The following ZBTB7C variants were observed in gnomAD, a reference collection of about 807,000 sequenced individuals.
ZBTB7C encodes zinc finger and BTB domain containing 7C.
In ZBTB7C, 8 loss-of-function variants were observed where a neutral mutation model predicts 25.7. That is an observed-to-expected ratio of 0.31 (90% CI 0.18 to 0.56). ZBTB7C has a LOEUF of 0.56. ZBTB7C is among the 20% of genes least tolerant of loss of function. The pLI is 0.91. For missense variants in ZBTB7C, 824 were observed against 855.2 expected (o/e 0.96, Z 0.46); for synonymous variants, 394 against 369.0 (o/e 1.07, Z -0.78).
chr18:48,353,879 AG>A (rs1339405740), intron 1 of ZBTB7C, among the ~76,000 whole-genome samples: 3 of 152,272 alleles, frequency 2.0e-5, no homozygotes, highest in African/African-American at 7.2e-5. Flanking sequence ...GAGGCCCAGG[AG>A]GGGGGTCCAA....
chr18:48,281,666 T>G (rs1038176137), intron 2 of ZBTB7C, among the ~76,000 whole-genome samples: 1 of 152,146 alleles, frequency 6.6e-6, no homozygotes, highest in African/African-American at 2.4e-5. Flanking sequence ...GAACAGACAC[T>G]TCTCAAAAGA....
intron 3 of ZBTB7C, among the ~76,000 whole-genome samples, chr18:48,163,033 C>T (rs187162923): frequency 5.9e-4 from 90 of 152,212 alleles, no homozygotes; most frequent in Non-Finnish European, 1.1e-3. Flanking sequence ...GGGATGTTTC[C>T]GAATGGGGCC....
In ZBTB7C at chr18:48,045,016, T is replaced by C. The variant is rs527883867; in HGVS notation, c.-16-3893A>G. Among the ~76,000 whole-genome samples, 8 of 152,360 alleles carry C rather than the reference T, an allele frequency of 5.3e-5. No individual in the cohort carries two copies. In the South Asian group the frequency reaches 1.7e-3, roughly 32 times the overall value. ...CCCAACCACAGCCAATTGCAGCTCC[T>C]GCCTCTGATCACAAAAGTAACCAAG... On this transcript the variant is annotated intron_variant, in intron 3 of 4. Coordinates refer to ENST00000590800, the MANE Select transcript of ZBTB7C (RefSeq NM_001318841.2).
intron 2 of ZBTB7C, among the ~76,000 whole-genome samples, chr18:48,277,622 G>A (rs1480277508): frequency 2.6e-5 from 4 of 152,226 alleles, no homozygotes; most frequent in African/African-American, 9.6e-5. Context: ...TTTTATGGCT[G>A]CATCATGAAG....
chr18:48,041,651 A>G (rs572011517), intron 3 of ZBTB7C: 1 of 491,546 alleles, frequency 2.0e-6, no homozygotes, highest in South Asian at 8.7e-5. Context: ...ATTTTCAGCA[A>G]GTAAATGGGG....
intron 2 of ZBTB7C, among the ~76,000 whole-genome samples, chr18:48,268,718 A>G: frequency 6.7e-6 from 1 of 148,592 alleles, no homozygotes; most frequent in Non-Finnish European, 1.5e-5. Flanking sequence ...TTGTCAAGGA[A>G]AGCATCCTTG....
rs58403415 is a variant in ZBTB7C, at chr18:48,386,425, T to TGG, written c.-304+22800_-304+22801insCC. On this transcript the variant is annotated intron_variant, in intron 1 of 4. Transcript: ENST00000590800. Reference sequence around the variant, plus strand: ...TCCATCCACTCAGCAAGTACAGTGCTTACCCTAGACAGTGAGTGGATGTCA... The same window carrying TGG: ...TCCATCCACTCAGCAAGTACAGTGCTGGTACCCTAGACAGTGAGTGGATGTCA... Among the ~76,000 whole-genome samples, 20 of 152,158 alleles carry TGG rather than the reference T, an allele frequency of 1.3e-4. No homozygotes were observed. The East Asian group carries it at 3.5e-3, about 27-fold the overall frequency.
intron 4 of ZBTB7C, among the ~76,000 whole-genome samples, chr18:48,034,568 C>T (rs72918150): frequency 0.15 from 23,037 of 152,028 alleles, 2,032 homozygotes; most frequent in East Asian, 0.24. Flanking sequence ...AGTTCTGGTA[C>T]CTGCTTTGAT....
intron 3 of ZBTB7C, among the ~76,000 whole-genome samples, chr18:48,181,623 C>T (rs898925949): frequency 5.9e-5 from 9 of 152,194 alleles, no homozygotes; most frequent in African/African-American, 1.9e-4. Context: ...GCTCCCTTTC[C>T]AAATATATCA....
intron 2 of ZBTB7C, among the ~76,000 whole-genome samples, chr18:48,310,812 T>C (rs1568368300): frequency 6.6e-6 from 1 of 152,318 alleles, no homozygotes; most frequent in African/African-American, 2.4e-5. Context: ...CTGGCAGCAA[T>C]AGCATTCTCT....
At chr18:48,111,979 G>A (rs80259267) in intron 3 of ZBTB7C, among the ~76,000 whole-genome samples, 2,532 of 152,158 alleles carry the variant, frequency 0.017, 42 homozygotes, top group African/African-American at 0.046. Context: ...ATCTCAGTAT[G>A]ATTATATTGT....
intron 4 of ZBTB7C, among the ~76,000 whole-genome samples, chr18:48,038,399 T>A (rs945714985): frequency 1.3e-5 from 2 of 152,050 alleles, no homozygotes; most frequent in Non-Finnish European, 2.9e-5. Context: ...AATCAGTGTT[T>A]CCTTCAAAAC....
intron 2 of ZBTB7C, among the ~76,000 whole-genome samples, chr18:48,216,167 T>C (rs552606264): frequency 6.6e-6 from 1 of 152,326 alleles, no homozygotes; most frequent in East Asian, 1.9e-4. Flanking sequence ...ATTTTATTTT[T>C]GGTTTATACC....
intron 3 of ZBTB7C, among the ~76,000 whole-genome samples, chr18:48,155,872 AC>A (rs1235063864): frequency 6.6e-6 from 1 of 152,144 alleles, no homozygotes; most frequent in Non-Finnish European, 1.5e-5. Context: ...CTCAAACTGT[AC>A]TGTGTGACTC....
At position 48,241,039 on chromosome 18, in the gene ZBTB7C, A is replaced by G. The variant is rs568346129; in HGVS notation, c.-78-55044T>C. 7.9e-5 allele frequency among the ~76,000 whole-genome samples: 12 copies of G among 152,282 alleles called. 1 individual carries two copies. The South Asian group carries it at 2.5e-3, about 32-fold the overall frequency. ...ATGCAAGTGGACACCAAAAATGAGCAGGAGTAGCTATTCTCATATCAGACA... is the reference window on the plus strand; with the variant it reads ...ATGCAAGTGGACACCAAAAATGAGCGGGAGTAGCTATTCTCATATCAGACA... On this transcript the variant is annotated intron_variant, in intron 2 of 4. Transcript: ENST00000590800.
intron 3 of ZBTB7C, among the ~76,000 whole-genome samples, chr18:48,097,382 G>GTTATTATTATTATTA (rs1555691088): frequency 7.7e-4 from 112 of 144,964 alleles, no homozygotes; most frequent in African/African-American, 2.5e-3. Flanking sequence ...TATTGTTGTT[G>GTTATTATTATTATTA]TTATTATTAT....
chr18:48,235,320 T>C (rs1468538380), intron 2 of ZBTB7C, among the ~76,000 whole-genome samples: 1 of 152,210 alleles, frequency 6.6e-6, no homozygotes, highest in East Asian at 1.9e-4. Flanking sequence ...ACTCCATTTC[T>C]ACGTTTTAGT....
At chr18:48,404,251 T>C (rs1432305986) in intron 1 of ZBTB7C, among the ~76,000 whole-genome samples, 1 of 148,418 alleles carries the variant, frequency 6.7e-6, no homozygotes, top group South Asian at 2.2e-4. Context: ...AGAGACTCCA[T>C]CTCAAAAAAA....
chr18:48,081,879 A>G (rs191653662), intron 3 of ZBTB7C, among the ~76,000 whole-genome samples: 1 of 152,346 alleles, frequency 6.6e-6, no homozygotes, highest in East Asian at 1.9e-4. Context: ...ACCAAAAAAA[A>G]AGATAGATAT....
Sources: allele counts gnomAD v4.1 joint callset (sites outside exome capture counted in the v4.1 genomes callset), GRCh38; gene constraint gnomAD v4.1.1; transcripts MANE v1.5; gene names NCBI Gene and HGNC (gene_info 2026-07-23, HGNC 2026-07-21).